The following DDX51 variants were observed in gnomAD, a reference collection of about 807,000 sequenced individuals.
The protein encoded by DDX51 is DEAD-box helicase 51.
A neutral mutation model predicts 74.6 loss-of-function variants in DDX51; 67 were observed. The observed-to-expected ratio is 0.90, with a 90% CI of 0.74 to 1.10. The LOEUF (loss-of-function observed/expected upper bound fraction) is 1.10, where lower values mean the gene tolerates loss of function less well. Among genes scored for constraint, DDX51 ranks in the 50% least tolerant of loss-of-function variants. DDX51 has a pLI of 0.00. For missense variants in DDX51, 1,056 were observed against 905.2 expected, an observed-to-expected ratio of 1.17 and a Z score of -2.14; for synonymous variants, 545 against 402.9, an observed-to-expected ratio of 1.35 and a Z score of -4.22.
Position 132,144,112 on chromosome 12 carries a change from G to T in DDX51, c.185C>A (p.Pro62Gln). 1.6e-6 allele frequency: 2 copies of T among 1,219,636 alleles called. No individual in the cohort carries two copies. Among genetic ancestry groups the T allele is most frequent in the Non-Finnish European group, 2.0e-6 (2 of 981,158 alleles). The allele number at this position is 1,219,636 out of a possible 1,614,324, so 75.6% of individuals were successfully genotyped here. The change falls in exon 1 of 15, where the codon CCG becomes CAG. Residue 62 changes from proline to glutamine, a missense_variant. Pro to Gln is a moderately conservative substitution (Grantham distance 76). Coordinates refer to ENST00000397333, the MANE Select transcript of DDX51 (RefSeq NM_175066.4). Reference protein sequence around the residue: ...AQTEAAASTEPATRRRRRPRR... With the variant: ...AQTEAAASTEQATRRRRRPRR... The stretch of plus-strand genomic sequence containing the variant: ...GGGCCGCCGTCGCCTCCTGGTCGCC[G>T]GCTCGGTCGATGCAGCCGCCTCGGT...
Position 132,140,673 on chromosome 12 carries a change from C to T in DDX51, c.1503G>A (p.Glu501=). ...AGCAGAGAACCCTCGAGAAGCCCAT[C>T]TCCAGGACCAGGTGCAGGACGACCA... is the stretch of plus-strand genomic sequence containing the variant. ...KPLVVLHLVL[E]MGFSRVLCFT... is the part of the protein sequence containing the mutation. Residue 501 remains glutamate, a synonymous_variant, in exon 10 of 15, where the codon GAG becomes GAA. Transcript: ENST00000397333. 1 of 1,613,078 alleles carries T rather than the reference C, an allele frequency of 6.2e-7. No homozygotes were observed. Among genetic ancestry groups the T allele is most frequent in the South Asian group, 1.1e-5 (1 of 91,078 alleles).
At position 132,138,986 on chromosome 12, in the gene DDX51, C is replaced by T; in HGVS notation, c.*286G>A. On this transcript the variant is annotated 3_prime_UTR_variant, in exon 15 of 15. Transcript: ENST00000397333. Reference sequence around the variant, plus strand: ...CTCTCAGCAAAAGCATGACGGGTGCCCGCGTCCGTCTGGGAGTACTTTTCA... The same window carrying T: ...CTCTCAGCAAAAGCATGACGGGTGCTCGCGTCCGTCTGGGAGTACTTTTCA... 2.1e-6 allele frequency: 1 copy of T among 473,786 alleles called. No individual in the cohort carries two copies. Among genetic ancestry groups the T allele is most frequent in the Non-Finnish European group, 3.8e-6 (1 of 266,264 alleles). The allele number at this position is 473,786 out of a possible 1,614,324, so 29.3% of individuals were successfully genotyped here.
Position 132,143,716 on chromosome 12 carries a change from G to T in DDX51, c.498C>A (p.Phe166Leu), listed in dbSNP as rs751833391. ...TCACCTTCGGCGCCTTCCTCTTCCC[G>T]AACCCCCCCAGCACCAGGCCGGGGA... is the stretch of plus-strand genomic sequence containing the variant. ...PLVPGLVLGG[F>L]GKRKAPKVQP... Residue 166 changes from phenylalanine to leucine, a missense_variant, in exon 2 of 15, where the codon TTC becomes TTA. Coordinates refer to ENST00000397333, the MANE Select transcript of DDX51 (RefSeq NM_175066.4). 1.2e-5 allele frequency: 18 copies of T among 1,540,020 alleles called. No homozygotes were observed. The South Asian group carries it at 2.0e-4, about 17-fold the overall frequency.
chr12:132,139,411 A>T (rs560222664), intron 14 of DDX51, 113 bp from the exon 15 acceptor site: 2 of 1,544,898 alleles, frequency 1.3e-6, no homozygotes, highest in African/African-American at 2.7e-5. Flanking sequence ...GCATGCAGAA[A>T]CCAGGCCCTG....
In DDX51 at chr12:132,138,060, T is replaced by C. The variant is rs1453878001; in HGVS notation, c.*1212A>G. 2.0e-5 allele frequency: 3 copies of C among 152,316 alleles called. No homozygotes were observed. Among genetic ancestry groups the C allele is most frequent in the Admixed American group, 6.5e-5 (1 of 15,282 alleles). The allele number at this position is 152,316 out of a possible 1,614,324, so 9.4% of individuals were successfully genotyped here. ...TGGATTTCCCACGTTTTATTCTCCA[T>C]TCATCAGCTGACGGACATGTGGTTT... On this transcript the variant is annotated 3_prime_UTR_variant, in exon 15 of 15. Transcript: ENST00000397333.
Position 132,143,761 on chromosome 12 carries a change from C to T in DDX51, c.453G>A (p.Glu151=). The change falls in exon 2 of 15, where the codon GAG becomes GAA. Residue 151 remains glutamate, a synonymous_variant. Coordinates refer to ENST00000397333, the MANE Select transcript of DDX51 (RefSeq NM_175066.4). Reference sequence around the variant, plus strand: ...CGGGGACCAGGGGTCCGGCCGCCTCCTCCAGGGCCGGTCCATCTGGGGCCG... The same window carrying T: ...CGGGGACCAGGGGTCCGGCCGCCTCTTCCAGGGCCGGTCCATCTGGGGCCG... ...AEAAPDGPAL[E]EAAGPLVPGL... is the part of the protein sequence containing the mutation. The T allele has an allele frequency of 2.6e-6, 4 of 1,526,164 alleles. No homozygotes were observed. The highest frequency in any genetic ancestry group is 3.5e-6 in the Non-Finnish European group (4 of 1,140,126). 94.5% of individuals were successfully genotyped at this position (1,526,164 alleles called of 1,614,324 possible). A position where few individuals can be genotyped will look rare whatever the true frequency, so the allele number is the denominator to read the frequency against.
rs1194132900 is a variant in DDX51 at position 132,140,454 on chromosome 12, G to C, written c.1642C>G (p.Leu548Val). Residue 548 changes from leucine to valine, a missense_variant, in exon 11 of 15, where the codon CTG becomes GTG. Transcript: ENST00000397333. ...ATCTTCCCCTGTTCAAACTGCTTCAGGATCATCCTCCTCTGGCCAGGCCCG... is the reference window on the plus strand; with the variant it reads ...ATCTTCCCCTGTTCAAACTGCTTCACGATCATCCTCCTCTGGCCAGGCCCG... ...RYGPGQRRMILKQFEQGKIQL... is the reference protein window; with the variant it reads ...RYGPGQRRMIVKQFEQGKIQL... The C allele has an allele frequency of 3.7e-6, 6 of 1,613,158 alleles. No individual in the cohort carries two copies. In the African/African-American group the frequency reaches 8.0e-5, roughly 22 times the overall value.
chr12:132,141,881 C>T lies in DDX51; in HGVS notation c.964G>A (p.Ala322Thr). Residue 322 changes from alanine (A) to threonine (T), a missense_variant, in exon 6 of 15, where the codon GCC (alanine) becomes ACC (threonine). Coordinates refer to ENST00000397333, the MANE Select transcript of DDX51 (RefSeq NM_175066.4). ...VSLVTGQKSL[A>T]KEQESLVQKT... is the part of the protein sequence containing the mutation. ...TGGACGAGGCTCTCCTGCTCCTTGG[C>T]CAGAGACTTCTGTCCCGTAACCAGG... The T allele has an allele frequency of 6.2e-7, 1 of 1,613,136 alleles. No homozygotes were observed.
Position 132,139,294 on chromosome 12 carries a change from T to C in DDX51, c.1979A>G (p.Glu660Gly), listed in dbSNP as rs754346042. 4.4e-6 allele frequency: 7 copies of C among 1,609,008 alleles called. No homozygotes were observed. Among genetic ancestry groups the C allele is most frequent in the Non-Finnish European group, 1.7e-6 (2 of 1,178,736 alleles). ...AGCCTAGGCCGCCCTCTGCTTGCGC[T>C]CTTCCTGTGGAGGAAAGGGGAGGGC... The part of the protein sequence containing the change: ...LSQLEESVKE[E>G]RKQRAA The change falls in exon 15 of 15, where the codon GAG becomes GGG. Residue 660 changes from glutamate (E) to glycine (G), a missense_variant. Transcript: ENST00000397333.
In DDX51 at chr12:132,142,273, A is replaced by G. The variant is rs1036160841; in HGVS notation, c.816+4T>C. ...CTGTAGAGAAAGGGGACCCTCACACAGACCTGCACCACAGGGATGACGAAG... is the reference window on the plus strand; with the variant it reads ...CTGTAGAGAAAGGGGACCCTCACACGGACCTGCACCACAGGGATGACGAAG... On this transcript the variant is annotated splice_donor_region_variant and intron_variant, in intron 4 of 14. Transcript: ENST00000397333. 2 of 1,612,828 alleles carry G rather than the reference A, an allele frequency of 1.2e-6. No homozygotes were observed. Among genetic ancestry groups the G allele is most frequent in the East Asian group, 2.2e-5 (1 of 44,872 alleles).
In DDX51 at chr12:132,141,963, G is replaced by A. The variant is rs202048577; in HGVS notation, c.889-7C>T. Reference sequence around the variant, plus strand: ...TGTTGAAAACTTTGCTCACCTGCAGGAGAAGTCTGTCACTGGCCTGGAGGT... The same window carrying A: ...TGTTGAAAACTTTGCTCACCTGCAGAAGAAGTCTGTCACTGGCCTGGAGGT... On this transcript the variant is annotated splice_region_variant and splice_polypyrimidine_tract_variant and intron_variant, in intron 5 of 14. Transcript: ENST00000397333. 146 of 1,612,344 alleles carry A rather than the reference G, an allele frequency of 9.1e-5. No homozygotes were observed. In the African/African-American group the frequency reaches 1.7e-3, roughly 19 times the overall value.
rs544594499 is a variant in DDX51, at chr12:132,142,878, C to T, written c.520G>A (p.Val174Ile). 1.7e-5 allele frequency: 27 copies of T among 1,612,608 alleles called. No homozygotes were observed. Among genetic ancestry groups the T allele is most frequent in the African/African-American group, 4.0e-5 (3 of 75,056 alleles). Residue 174 changes from valine to isoleucine, a missense_variant and splice_region_variant, in exon 3 of 15, where the codon GTC becomes ATC. Coordinates refer to ENST00000397333, the MANE Select transcript of DDX51 (RefSeq NM_175066.4). ...AGCCACCTTGGCAGGAAAGGCTGGACCTGCCATCAAAAAGAAAGAGAGGCC... is the reference window on the plus strand; with the variant it reads ...AGCCACCTTGGCAGGAAAGGCTGGATCTGCCATCAAAAAGAAAGAGAGGCC... ...GGFGKRKAPK[V>I]QPFLPRWLAE...
rs1257430785 is a variant in DDX51, at chr12:132,136,806, G to C, written c.*2466C>G. ...AGCCTCTTGAGTAGTTGGGACTCCA[G>C]GCACACGCCACCACGCTCAGCTAAG... On this transcript the variant is annotated 3_prime_UTR_variant, in exon 15 of 15. Transcript: ENST00000397333. 6.6e-6 allele frequency: 1 copy of C among 152,280 alleles called. No homozygotes were observed. The highest frequency in any genetic ancestry group is 1.5e-5 in the Non-Finnish European group (1 of 68,122). 9.4% of individuals were successfully genotyped at this position (152,280 alleles called of 1,614,324 possible).
intron 6 of DDX51, 104 bp from the exon 7 acceptor site, chr12:132,141,710 G>A (rs1440106854): frequency 2.1e-6 from 3 of 1,453,950 alleles, no homozygotes; most frequent in African/African-American, 2.8e-5. Context: ...CACATGGGAA[G>A]GGGGCCGGTG....
intron 9 of DDX51, 23 bp downstream of exon 9, chr12:132,140,808 T>C: frequency 6.2e-7 from 1 of 1,613,376 alleles, no homozygotes; most frequent in Non-Finnish European, 8.5e-7. Context: ...TGCAACCCTC[T>C]GCCCACACGG....
intron 2 of DDX51, 51 bp downstream of exon 2, chr12:132,143,644 C>A (rs1324402766): frequency 4.6e-6 from 7 of 1,530,060 alleles, no homozygotes; most frequent in Non-Finnish European, 6.1e-6. Flanking sequence ...CTTAAGAATC[C>A]GCGCAGCCTA....
intron 2 of DDX51, 189 bp from the exon 3 acceptor site, chr12:132,143,067 G>A (rs1246052312): frequency 4.3e-6 from 3 of 693,574 alleles, no homozygotes; most frequent in Non-Finnish European, 7.2e-6. Flanking sequence ...CACTCCCTGA[G>A]CAAACTCACT....
At position 132,139,248 on chromosome 12, in the gene DDX51, C is replaced by A; in HGVS notation, c.*24G>T. 1 of 1,606,044 alleles carries A rather than the reference C, an allele frequency of 6.2e-7. No individual in the cohort carries two copies. Among genetic ancestry groups the A allele is most frequent in the Non-Finnish European group, 8.5e-7 (1 of 1,178,022 alleles). ...AGGGTCAGGGTGGTGAGCGTTCAGT[C>A]CCTCCGGCCCTCTGAGCCCCAGCCT... On this transcript the variant is annotated 3_prime_UTR_variant, in exon 15 of 15. Coordinates refer to ENST00000397333, the MANE Select transcript of DDX51 (RefSeq NM_175066.4).
At chr12:132,141,812 G>A (rs1177683303) in intron 6 of DDX51, 38 bp downstream of exon 6, 2 of 1,605,916 alleles carry the variant, frequency 1.2e-6, no homozygotes, top group Non-Finnish European at 1.7e-6. Flanking sequence ...GGGCTGAGCA[G>A]GGACCCCCTG....
Sources: gnomAD v4.1 joint callset for allele counts on GRCh38, gnomAD v4.1.1 for gene constraint, MANE v1.5 for transcripts, NCBI Gene and HGNC (gene_info 2026-07-23, HGNC 2026-07-21) for gene names.